Variants in PPP2R2A observed in about 807,000 individuals in gnomAD.
PPP2R2A encodes protein phosphatase 2 regulatory subunit Balpha, also known as serine/threonine-protein phosphatase 2A 55 kDa regulatory subunit B alpha isoform.
A neutral mutation model predicts 53.2 loss-of-function variants in PPP2R2A; 9 were observed. That is an observed-to-expected ratio of 0.17 (90% CI 0.10 to 0.30). PPP2R2A has a LOEUF of 0.30. PPP2R2A is among the 10% of genes least tolerant of loss of function. The pLI, the probability that PPP2R2A is intolerant of heterozygous loss-of-function variation, is 1.00. For missense variants in PPP2R2A, 235 were observed against 534.6 expected, an observed-to-expected ratio of 0.44 and a Z score of 5.53; for synonymous variants, 169 against 174.2, an observed-to-expected ratio of 0.97 and a Z score of 0.23.
chr8:26,316,581 C>G (rs1230804580), intron 2 of PPP2R2A, among the ~76,000 whole-genome samples: 5 of 152,074 alleles, frequency 3.3e-5, no homozygotes, highest in Non-Finnish European at 5.9e-5. Context: ...TTGTCAAAGA[C>G]CTTTTGGGCT....
chr8:26,314,868 G>A (rs1439343534), intron 2 of PPP2R2A, among the ~76,000 whole-genome samples: 3 of 130,108 alleles, frequency 2.3e-5, no homozygotes, highest in Non-Finnish European at 4.7e-5. Context: ...TTTTTGTACT[G>A]GTCCTCTTTT....
intron 2 of PPP2R2A, among the ~76,000 whole-genome samples, chr8:26,305,105 C>G (rs769983203): frequency 4.6e-5 from 7 of 152,132 alleles, no homozygotes; most frequent in Non-Finnish European, 8.8e-5. Context: ...TTGGCAGCTA[C>G]CATTCTACTT....
intron 4 of PPP2R2A, among the ~76,000 whole-genome samples, chr8:26,357,778 G>C (rs957871436): frequency 1.3e-5 from 2 of 151,886 alleles, no homozygotes; most frequent in African/African-American, 2.4e-5. Flanking sequence ...GAGGAACTCT[G>C]TTCTTCTGCA....
intron 3 of PPP2R2A, among the ~76,000 whole-genome samples, chr8:26,339,583 C>A (rs1355683996): frequency 6.6e-6 from 1 of 151,952 alleles, no homozygotes; most frequent in Non-Finnish European, 1.5e-5. Context: ...TTTCTTACAA[C>A]TTAGGCACAC....
At chr8:26,317,649 T>G (rs1294832897) in intron 2 of PPP2R2A, among the ~76,000 whole-genome samples, 1 of 152,244 alleles carries the variant, frequency 6.6e-6, no homozygotes, top group Non-Finnish European at 1.5e-5. Context: ...ACTTCCCAGT[T>G]TTTTGAACCA....
intron 2 of PPP2R2A, chr8:26,333,539 T>C: frequency 1.7e-6 from 2 of 1,201,422 alleles, no homozygotes; most frequent in South Asian, 1.4e-5. Context: ...AAAGAGTGAC[T>C]CCATAAAGTG....
At chr8:26,352,948 T>A (rs1804596756) in intron 3 of PPP2R2A, among the ~76,000 whole-genome samples, 1 of 152,204 alleles carries the variant, frequency 6.6e-6, no homozygotes, top group South Asian at 2.1e-4. Context: ...CGCCCTAGTG[T>A]ACATAGTACT....
Position 26,316,644 on chromosome 8 carries a change from T to C in PPP2R2A, c.83-22246T>C, listed in dbSNP as rs117712571. ...TGGCTTACAAACAAACAACAGACAT[T>C]TATTTCTCACAGTTCTGAAGGCTGG... On this transcript the variant is annotated intron_variant, in intron 2 of 9. Coordinates refer to ENST00000380737, the MANE Select transcript of PPP2R2A (RefSeq NM_002717.4). 5.6e-3 allele frequency among the ~76,000 whole-genome samples: 850 copies of C among 152,292 alleles called. 6 individuals are homozygous for C. Among genetic ancestry groups the C allele is most frequent in the Middle Eastern group, 0.027 (8 of 294 alleles).
At chr8:26,357,484 A>G (rs761778636) in intron 4 of PPP2R2A, among the ~76,000 whole-genome samples, 2 of 152,046 alleles carry the variant, frequency 1.3e-5, no homozygotes, top group Non-Finnish European at 2.9e-5. Flanking sequence ...TTATAACTTG[A>G]GTTAATTTAA....
In PPP2R2A at chr8:26,293,704, C is replaced by G; in HGVS notation, c.46C>G (p.Gln16Glu). 2 of 1,612,932 alleles carry G rather than the reference C, an allele frequency of 1.2e-6. No homozygotes were observed. The highest frequency in any genetic ancestry group is 1.7e-6 in the Non-Finnish European group (2 of 1,179,452). ...GAATGATATTCAGTGGTGTTTTTCT[C>G]AGGTGAAAGGAGCAGTAGATGATGA... is the stretch of plus-strand genomic sequence containing the variant. ...GGNDIQWCFSQVKGAVDDDVA... is the reference protein window; with the variant it reads ...GGNDIQWCFSEVKGAVDDDVA... The change falls in exon 2 of 10, where the codon CAG (glutamine) becomes GAG (glutamate). Residue 16 changes from glutamine (Q) to glutamate (E), a missense_variant. This residue lies in a region of PPP2R2A where 51 missense variants were observed against 80.6 expected (regional missense o/e 0.63). Coordinates refer to ENST00000380737, the MANE Select transcript of PPP2R2A (RefSeq NM_002717.4).
At chr8:26,325,754 A>T (rs949589375) in intron 2 of PPP2R2A, among the ~76,000 whole-genome samples, 9 of 151,634 alleles carry the variant, frequency 5.9e-5, no homozygotes, top group Admixed American at 5.9e-4. Flanking sequence ...AAATGGGTAT[A>T]TTGATACAGC....
chr8:26,340,570 A>G (rs1803890833), intron 3 of PPP2R2A, among the ~76,000 whole-genome samples: 1 of 152,104 alleles, frequency 6.6e-6, no homozygotes, highest in Non-Finnish European at 1.5e-5. Context: ...TTCATTTTTA[A>G]TGAAGGCATT....
intron 2 of PPP2R2A, among the ~76,000 whole-genome samples, chr8:26,329,462 C>A (rs1398417584): frequency 6.6e-6 from 1 of 152,062 alleles, no homozygotes; most frequent in Non-Finnish European, 1.5e-5. Context: ...AAATTTATGA[C>A]TGTTACATTC....
intron 3 of PPP2R2A, among the ~76,000 whole-genome samples, chr8:26,342,161 G>A (rs1044362063): frequency 4.6e-5 from 7 of 152,058 alleles, no homozygotes; most frequent in Admixed American, 1.3e-4. Flanking sequence ...TAGAATCAGG[G>A]CACCTAAAGA....
intron 2 of PPP2R2A, chr8:26,333,616 G>A (rs940328367): frequency 9.8e-6 from 9 of 914,632 alleles, no homozygotes; most frequent in Non-Finnish European, 1.2e-5. Context: ...TCTTTTAATG[G>A]ATAGTAATTA....
chr8:26,345,796 C>G (rs192540750), intron 3 of PPP2R2A, among the ~76,000 whole-genome samples: 1 of 152,166 alleles, frequency 6.6e-6, no homozygotes, highest in East Asian at 1.9e-4. Flanking sequence ...TTTTACTTTA[C>G]GCCTTAATAC....
intron 1 of PPP2R2A, chr8:26,293,093 G>A (rs1357753085): frequency 3.1e-6 from 2 of 637,672 alleles, no homozygotes; most frequent in Non-Finnish European, 5.0e-6. Flanking sequence ...TCCTTTGACA[G>A]TCTCTTTAGC....
chr8:26,362,084 A>G lies in PPP2R2A; in HGVS notation c.638-600A>G, dbSNP rs1805129135. 6.6e-6 allele frequency among the ~76,000 whole-genome samples: 1 copy of G among 150,828 alleles called. No individual in the cohort carries two copies. Among genetic ancestry groups the G allele is most frequent in the African/African-American group, 2.4e-5 (1 of 41,258 alleles). ...TAATTTTAAGATTAGAAAAAGATTA[A>G]TAATTAGATTAGATTAGAAAAAGAT... On this transcript the variant is annotated intron_variant, in intron 6 of 9. Transcript: ENST00000380737. This position sits in a 1 kb window ranked among gnomAD's most constrained non-coding sequence, Gnocchi z 4.4.
chr8:26,330,503 G>GT lies in PPP2R2A; in HGVS notation c.83-8380dup, dbSNP rs200420097. ...CTACAGCACCTGGCTTAGTTTTTTT[G>GT]TTTTTTTAGTAGAGACAGGGTTTCA... On this transcript the variant is annotated intron_variant, in intron 2 of 9. Transcript: ENST00000380737. Among the ~76,000 whole-genome samples the GT allele has an allele frequency of 6.6e-5, 10 of 151,392 alleles. No homozygotes were observed. The South Asian group carries it at 1.9e-3, about 28-fold the overall frequency.
Sources: gnomAD v4.1 joint callset for allele counts (sites outside exome capture counted in the v4.1 genomes callset) on GRCh38, gnomAD v4.1.1 for gene constraint, gnomAD v4.1.1 regional missense constraint, Gnocchi (gnomAD v3.1) non-coding constraint, MANE v1.5 for transcripts, NCBI Gene and HGNC (gene_info 2026-07-23, HGNC 2026-07-21) for gene names.